The following HIPK3 variants were observed in gnomAD, a reference collection of about 807,000 sequenced individuals.
HIPK3 encodes homeodomain interacting protein kinase 3.
HIPK3 carries 47 observed loss-of-function variants against 124.2 expected under a neutral mutation model. That is an observed-to-expected ratio of 0.38 (90% CI 0.30 to 0.48). The LOEUF is 0.48. HIPK3 is among the 20% of genes least tolerant of loss of function. HIPK3 has a pLI of 0.98. For missense variants in HIPK3, 1,286 were observed against 1,454.3 expected (o/e 0.88, Z 1.88); for synonymous variants, 482 against 515.2 (o/e 0.94, Z 0.87).
At chr11:33,303,678 G>T (rs562566047) in intron 2 of HIPK3, among the ~76,000 whole-genome samples, 1 of 152,254 alleles carries the variant, frequency 6.6e-6, no homozygotes, top group South Asian at 2.1e-4. Context: ...GCATTTTCCT[G>T]TGAATGGAAT....
intron 1 of HIPK3, among the ~76,000 whole-genome samples, chr11:33,278,675 T>G (rs929277684): frequency 2.0e-5 from 3 of 152,116 alleles, no homozygotes; most frequent in Non-Finnish European, 4.4e-5. Context: ...AAACTCCGTC[T>G]CTACTAAAAA....
intron 2 of HIPK3, among the ~76,000 whole-genome samples, chr11:33,310,250 G>A (rs1434112174): frequency 6.9e-6 from 1 of 145,084 alleles, no homozygotes; most frequent in Non-Finnish European, 1.5e-5. Flanking sequence ...CTGTCTGTCT[G>A]TCTGTCTGTC....
At chr11:33,279,989 C>T (rs1165280201) in intron 1 of HIPK3, among the ~76,000 whole-genome samples, 5 of 151,978 alleles carry the variant, frequency 3.3e-5, no homozygotes, top group Non-Finnish European at 5.9e-5. Context: ...TCACTTTTGG[C>T]GGTTAAGTTT....
intron 1 of HIPK3, among the ~76,000 whole-genome samples, chr11:33,278,121 A>G (rs1370615935): frequency 6.6e-6 from 1 of 152,192 alleles, no homozygotes; most frequent in Non-Finnish European, 1.5e-5. Flanking sequence ...TTCTTTAAAG[A>G]AAACCTCTCC....
At chr11:33,285,368 T>C (rs1007661641) in intron 1 of HIPK3, among the ~76,000 whole-genome samples, 1 of 152,116 alleles carries the variant, frequency 6.6e-6, no homozygotes, top group Admixed American at 6.6e-5. Context: ...ATCCATATAA[T>C]AAAGTACACA....
intron 2 of HIPK3, among the ~76,000 whole-genome samples, chr11:33,289,918 T>A (rs1851655074): frequency 6.6e-6 from 1 of 152,242 alleles, no homozygotes; most frequent in Non-Finnish European, 1.5e-5. Flanking sequence ...TTGTGAAGTT[T>A]TGTCTTTCTG....
intron 1 of HIPK3, among the ~76,000 whole-genome samples, chr11:33,269,800 T>C (rs1452018074): frequency 6.6e-6 from 1 of 152,154 alleles, no homozygotes; most frequent in East Asian, 1.9e-4. Context: ...GATAATTGTT[T>C]ACAGTGTCCC....
At chr11:33,321,847 T>C (rs1490316673) in intron 2 of HIPK3, among the ~76,000 whole-genome samples, 2 of 152,172 alleles carry the variant, frequency 1.3e-5, no homozygotes, top group Admixed American at 1.3e-4. Flanking sequence ...GGTAAATTAC[T>C]CGCTATTAGG....
At chr11:33,337,676 C>CTCTTTT (rs973004925) in intron 4 of HIPK3, among the ~76,000 whole-genome samples, 1 of 148,944 alleles carries the variant, frequency 6.7e-6, no homozygotes, top group South Asian at 2.1e-4. Context: ...CTCTCTCTTT[C>CTCTTTT]TCTTTTTCTT....
chr11:33,289,559 T>C (rs370181026), intron 2 of HIPK3, among the ~76,000 whole-genome samples: 4 of 152,202 alleles, frequency 2.6e-5, no homozygotes, highest in African/African-American at 9.6e-5. Flanking sequence ...TATATATTTA[T>C]GAGGTATTTG....
intron 1 of HIPK3, among the ~76,000 whole-genome samples, chr11:33,272,141 T>A (rs1403858205): frequency 1.3e-5 from 2 of 152,222 alleles, no homozygotes; most frequent in Non-Finnish European, 2.9e-5. Context: ...CTCACGCCTG[T>A]AATCCCAGCA....
At position 33,347,546 on chromosome 11, in the gene HIPK3, T is replaced by C. The variant is rs188492569; in HGVS notation, c.2020-83T>C. ...GTTTATAATTGTTAGCTGTTACTTT[T>C]AGATAGTTTTGAGTTTAAGATATGG... On this transcript the variant is annotated intron_variant, in intron 9 of 16. Coordinates refer to ENST00000303296, the MANE Select transcript of HIPK3 (RefSeq NM_005734.5). 1.1e-4 allele frequency: 174 copies of C among 1,573,690 alleles called. 1 individual carries two copies. In the East Asian group the frequency reaches 3.1e-3, roughly 28 times the overall value.
rs148265860 is a variant in HIPK3, at chr11:33,341,552, C to G, written c.1774-11C>G. The G allele has an allele frequency of 6.2e-7, 1 of 1,602,354 alleles. No homozygotes were observed. Among genetic ancestry groups the G allele is most frequent in the Admixed American group, 1.7e-5 (1 of 58,062 alleles). On this transcript the variant is annotated splice_polypyrimidine_tract_variant and intron_variant, in intron 7 of 16. Transcript: ENST00000303296. ...AGAAGACTGCTCTATATAATGTGCT[C>G]GTTGTTTCAGGCATTGACCACATCT...
rs143389257 is a variant in HIPK3 at position 33,301,821 on chromosome 11, GACACAC to G, written c.1097+14339_1097+14344del. ...TGGGCAACAGAGTGAAACCCTGTCT[GACACAC>G]ACACACACACACACACACACACACA... On this transcript the variant is annotated intron_variant, in intron 2 of 16. Transcript: ENST00000303296. 3.3e-4 allele frequency among the ~76,000 whole-genome samples: 42 copies of G among 127,544 alleles called. 1 individual carries two copies. Among genetic ancestry groups the G allele is most frequent in the Non-Finnish European group, 4.0e-4 (24 of 60,236 alleles). The allele number at this position is 127,544 out of a possible 152,430, so 83.7% of individuals were successfully genotyped here.
intron 7 of HIPK3, 64 bp from the exon 8 acceptor site, chr11:33,341,499 C>G (rs572425109): frequency 3.5e-5 from 49 of 1,405,204 alleles, no homozygotes; most frequent in African/African-American, 2.8e-4. Flanking sequence ...TGTTTGAATT[C>G]TATTTATACA....
intron 2 of HIPK3, among the ~76,000 whole-genome samples, chr11:33,326,447 A>C (rs181917121): frequency 1.6e-4 from 24 of 152,270 alleles, no homozygotes; most frequent in African/African-American, 5.3e-4. Context: ...GAACCATCCC[A>C]ATAGTAATGA....
chr11:33,342,431 TAA>T (rs763357664), intron 8 of HIPK3, among the ~76,000 whole-genome samples: 94 of 152,274 alleles, frequency 6.2e-4, no homozygotes, highest in Non-Finnish European at 9.0e-4. Flanking sequence ...GCTTAGGTAA[TAA>T]ATAATGGATT....
At chr11:33,298,805 TTGC>T (rs748231997) in intron 2 of HIPK3, among the ~76,000 whole-genome samples, 38 of 152,308 alleles carry the variant, frequency 2.5e-4, no homozygotes, top group Non-Finnish European at 4.9e-4. Flanking sequence ...TGGGACTGAC[TTGC>T]TGCAATCTGA....
At chr11:33,350,939 C>T (rs376877643) in intron 14 of HIPK3, among the ~76,000 whole-genome samples, 22 of 151,668 alleles carry the variant, frequency 1.5e-4, no homozygotes, top group East Asian at 3.9e-4. Flanking sequence ...AACAAATATA[C>T]GTATAAGATA....
Sources: gnomAD v4.1 joint callset for allele counts (sites outside exome capture counted in the v4.1 genomes callset) on GRCh38, gnomAD v4.1.1 for gene constraint, MANE v1.5 for transcripts, NCBI Gene and HGNC (gene_info 2026-07-23, HGNC 2026-07-21) for gene names.